KCNQ1: variants seen among roughly 807,000 people sequenced by gnomAD.
The protein encoded by KCNQ1 is potassium voltage-gated channel subfamily Q member 1, also known as potassium voltage-gated channel subfamily KQT member 1.
Under a neutral mutation model 72.4 loss-of-function variants are expected in KCNQ1, and 49 were observed. The observed-to-expected ratio is 0.68, with a 90% confidence interval of 0.54 to 0.86. The LOEUF (loss-of-function observed/expected upper bound fraction) is 0.86, where lower values mean the gene tolerates loss of function less well. KCNQ1 is among the 40% of genes least tolerant of loss of function. KCNQ1 has a pLI of 0.00. For missense variants in KCNQ1, 790 were observed against 945.1 expected (o/e 0.84, Z 2.15); for synonymous variants, 450 against 412.6 (o/e 1.09, Z -1.10).
At position 2,484,786 on chromosome 11, in the gene KCNQ1, C is replaced by A. The variant is rs547369338; in HGVS notation, c.386+39302C>A. Among the ~76,000 whole-genome samples the A allele has an allele frequency of 6.6e-5, 10 of 152,328 alleles. No homozygotes were observed. Among genetic ancestry groups the A allele is most frequent in the Non-Finnish European group, 5.9e-5 (4 of 68,028 alleles). ...CTGGGGAATATGTGTATGGCACCCC[C>A]ACGTCTACGCTTCTGTGTTCATCTG... is the stretch of plus-strand genomic sequence containing the variant. On this transcript the variant is annotated intron_variant, in intron 1 of 15. Transcript: ENST00000155840. The surrounding 1 kb of genome is among the most constrained non-coding windows in gnomAD (Gnocchi z 5.2).
chr11:2,480,445 T>G (rs1467416007), intron 1 of KCNQ1, among the ~76,000 whole-genome samples: 3 of 152,154 alleles, frequency 2.0e-5, no homozygotes, highest in African/African-American at 7.2e-5. Context: ...AAAGAGAGAA[T>G]GAAAACAGAG....
Position 2,625,383 on chromosome 11 carries a change from G to A in KCNQ1, c.1393+36529G>A, listed in dbSNP as rs1849246150. 3 of 398,444 alleles carry A rather than the reference G, an allele frequency of 7.5e-6. No homozygotes were observed. Among genetic ancestry groups the A allele is most frequent in the Admixed American group, 4.4e-5 (1 of 22,700 alleles). 24.7% of individuals were successfully genotyped at this position (398,444 alleles called of 1,614,324 possible). A position where few individuals can be genotyped will look rare whatever the true frequency, so the allele number is the denominator to read the frequency against. On this transcript the variant is annotated intron_variant, in intron 10 of 15. Coordinates refer to ENST00000155840, the MANE Select transcript of KCNQ1 (RefSeq NM_000218.3). ...CTATCCTCCCACCTTAACCTCCCAC[G>A]TAGCTGATACTAGAGATGGGTCTCA...
chr11:2,613,433 G>A lies in KCNQ1; in HGVS notation c.1393+24579G>A. The A allele has an allele frequency of 2.5e-6, 1 of 398,484 alleles. No homozygotes were observed. Among genetic ancestry groups the A allele is most frequent in the Non-Finnish European group, 4.4e-6 (1 of 226,060 alleles). 24.7% of individuals were successfully genotyped at this position (398,484 alleles called of 1,614,324 possible). ...CCTTGTTGCTTAACATAGTGCATAG[G>A]GTTTTCTATGGAATTCAAAATCAGA... On this transcript the variant is annotated intron_variant, in intron 10 of 15. Transcript: ENST00000155840. This position sits in a 1 kb window ranked among gnomAD's most constrained non-coding sequence, Gnocchi z 4.8.
At chr11:2,751,537 G>A (rs1040385037) in intron 11 of KCNQ1, among the ~76,000 whole-genome samples, 2 of 152,250 alleles carry the variant, frequency 1.3e-5, no homozygotes, top group African/African-American at 4.8e-5. Flanking sequence ...TCCGAAATGA[G>A]CATCTGAGTT....
intron 10 of KCNQ1, chr11:2,641,284 TAA>T: frequency 2.5e-6 from 1 of 398,460 alleles, no homozygotes; most frequent in Non-Finnish European, 4.4e-6. Flanking sequence ...CAACAGTGTA[TAA>T]GAGTTCCCTC....
At chr11:2,662,377 AG>A in intron 11 of KCNQ1, 1 of 352,410 alleles carries the variant, frequency 2.8e-6, no homozygotes, top group Non-Finnish European at 5.3e-6. Context: ...TCTCTCCCCC[AG>A]CCCCCTCCCC....
rs1217725282 is a variant in KCNQ1, at chr11:2,571,456, C to G, written c.683+53C>G. The G allele has an allele frequency of 2.4e-5, 36 of 1,492,440 alleles. 1 individual carries two copies. In the South Asian group the frequency reaches 3.8e-4, roughly 16 times the overall value. The allele number at this position is 1,492,440 out of a possible 1,614,324, so 92.4% of individuals were successfully genotyped here. On this transcript the variant is annotated intron_variant, in intron 4 of 15. Transcript: ENST00000155840. ...CCATGCCGCCCCACCCCGAGCACCC[C>G]TCCTGAGCCGCGGGTGGTCTCACGC...
At position 2,661,383 on chromosome 11, in the gene KCNQ1, A is replaced by G. The variant is rs970958199; in HGVS notation, c.1394-578A>G. On this transcript the variant is annotated intron_variant, in intron 10 of 15. Coordinates refer to ENST00000155840, the MANE Select transcript of KCNQ1 (RefSeq NM_000218.3). The surrounding 1 kb of genome is among the most constrained non-coding windows in gnomAD (Gnocchi z 5.9). ...AGGTGGGCCCAGGAATCATAATGTG[A>G]AGCCAGCTGTTGGAGGGACTCCTGT... The G allele has an allele frequency of 2.5e-6, 1 of 407,684 alleles. No individual in the cohort carries two copies. The highest frequency in any genetic ancestry group is 2.1e-5 in the African/African-American group (1 of 48,750). 25.3% of individuals were successfully genotyped at this position (407,684 alleles called of 1,614,324 possible).
rs1846469385 is a variant in KCNQ1 at position 2,764,882 on chromosome 11, TC to T, written c.1515-3957del. ...CCTGATGGCGGTCATTTGTGTCCCC[TC>T]CCCCATCTGATCAGTCTTCCCAAAA... is the stretch of plus-strand genomic sequence containing the variant. On this transcript the variant is annotated intron_variant, in intron 11 of 15. Transcript: ENST00000155840. This position sits in a 1 kb window ranked among gnomAD's most constrained non-coding sequence, Gnocchi z 4.8. 6.6e-6 allele frequency among the ~76,000 whole-genome samples: 1 copy of T among 152,166 alleles called. No homozygotes were observed. The highest frequency in any genetic ancestry group is 2.1e-4 in the South Asian group (1 of 4,828).
chr11:2,693,446 C>T, intron 11 of KCNQ1: 1 of 398,674 alleles, frequency 2.5e-6, no homozygotes, highest in Non-Finnish European at 4.4e-6. Context: ...GGCCCCCCAT[C>T]GAGTCCCCAT....
chr11:2,696,253 C>G, intron 11 of KCNQ1: 1 of 398,624 alleles, frequency 2.5e-6, no homozygotes, highest in Non-Finnish European at 4.4e-6. Context: ...CTTTTGCTTT[C>G]AAATATTTAG....
chr11:2,573,349 C>T (rs1265366107), intron 6 of KCNQ1, among the ~76,000 whole-genome samples: 3 of 152,164 alleles, frequency 2.0e-5, no homozygotes, highest in Admixed American at 6.5e-5. Flanking sequence ...CACCGTGGCC[C>T]TCACCCTGGC....
intron 1 of KCNQ1, among the ~76,000 whole-genome samples, chr11:2,501,018 A>G (rs1272473940): frequency 6.6e-6 from 1 of 152,186 alleles, no homozygotes; most frequent in African/African-American, 2.4e-5. Flanking sequence ...AACTTATAAA[A>G]ATCCTGTGGG....
rs945352710 is a variant in KCNQ1 at position 2,495,345 on chromosome 11, G to T, written c.387-32583G>T. On this transcript the variant is annotated intron_variant, in intron 1 of 15. Coordinates refer to ENST00000155840, the MANE Select transcript of KCNQ1 (RefSeq NM_000218.3). The surrounding 1 kb of genome is among the most constrained non-coding windows in gnomAD (Gnocchi z 4.6). ...TCATGTCTCTATCTCCTTCAGTTCT[G>T]CTCTGATCTTAGTTATTTCTTGTCT... is the stretch of plus-strand genomic sequence containing the variant. Among the ~76,000 whole-genome samples the T allele has an allele frequency of 2.0e-5, 3 of 151,992 alleles. No individual in the cohort carries two copies. The highest frequency in any genetic ancestry group is 2.9e-5 in the Non-Finnish European group (2 of 68,016).
At chr11:2,666,879 A>G (rs998621005) in intron 11 of KCNQ1, 1 of 398,572 alleles carries the variant, frequency 2.5e-6, no homozygotes, top group Admixed American at 4.4e-5. Flanking sequence ...AGAACAGATG[A>G]GACCATTTTG....
At chr11:2,452,369 C>T (rs1846129607) in intron 1 of KCNQ1, among the ~76,000 whole-genome samples, 1 of 152,112 alleles carries the variant, frequency 6.6e-6, no homozygotes, top group African/African-American at 2.4e-5. Flanking sequence ...AGCCCAGCTG[C>T]ACTGGGACCC....
rs1589984592 is a variant in KCNQ1 at position 2,618,419 on chromosome 11, C to G, written c.1393+29565C>G. 4 of 398,564 alleles carry G rather than the reference C, an allele frequency of 1.0e-5. No homozygotes were observed. The East Asian group carries it at 1.4e-4, about 14-fold the overall frequency. 24.7% of individuals were successfully genotyped at this position (398,564 alleles called of 1,614,324 possible). On this transcript the variant is annotated intron_variant, in intron 10 of 15. Coordinates refer to ENST00000155840, the MANE Select transcript of KCNQ1 (RefSeq NM_000218.3). ...GTCTGTGGGCCATGGGTTGGACAAGCCACAGAACTGGGTTTCCTAACGTCA... is the reference window on the plus strand; with the variant it reads ...GTCTGTGGGCCATGGGTTGGACAAGGCACAGAACTGGGTTTCCTAACGTCA...
rs944357622 is a variant in KCNQ1 at position 2,547,592 on chromosome 11, C to T, written c.477+19574C>T. Among the ~76,000 whole-genome samples the T allele has an allele frequency of 6.6e-6, 1 of 152,204 alleles. No homozygotes were observed. Among genetic ancestry groups the T allele is most frequent in the African/African-American group, 2.4e-5 (1 of 41,444 alleles). ...ATGCCTTTCAAAGTTTCCTTGGTCC[C>T]TGGTTTCTCATTTAACCCTTTACTG... On this transcript the variant is annotated intron_variant, in intron 2 of 15. Transcript: ENST00000155840. This position sits in a 1 kb window ranked among gnomAD's most constrained non-coding sequence, Gnocchi z 4.2.
At chr11:2,820,114 CTTTGTA>C (rs1389374520) in intron 15 of KCNQ1, among the ~76,000 whole-genome samples, 10 of 151,946 alleles carry the variant, frequency 6.6e-5, no homozygotes, top group Non-Finnish European at 1.3e-4. Flanking sequence ...TCATTCTTTT[CTTTGTA>C]TTTGTTTTGG....
Sources: allele counts gnomAD v4.1 joint callset (sites outside exome capture counted in the v4.1 genomes callset), GRCh38; gene constraint gnomAD v4.1.1; non-coding constraint Gnocchi (gnomAD v3.1); transcripts MANE v1.5; gene names NCBI Gene and HGNC (gene_info 2026-07-23, HGNC 2026-07-21).